DPP6: variants seen among roughly 807,000 people sequenced by gnomAD.
DPP6 encodes the protein dipeptidyl peptidase like 6, also known as A-type potassium channel modulatory protein DPP6.
A neutral mutation model predicts 122.6 loss-of-function variants in DPP6; 69 were observed. The observed-to-expected ratio is 0.56, with a 90% CI of 0.46 to 0.69. The LOEUF (loss-of-function observed/expected upper bound fraction) is 0.69, where lower values mean the gene tolerates loss of function less well. Among genes scored for constraint, DPP6 ranks in the 30% least tolerant of loss-of-function variants. The pLI, the probability that DPP6 is intolerant of heterozygous loss-of-function variation, is 0.00. For missense variants in DPP6, 928 were observed against 1,116.9 expected, an observed-to-expected ratio of 0.83 and a Z score of 2.41; for synonymous variants, 418 against 433.1, an observed-to-expected ratio of 0.97 and a Z score of 0.43.
In DPP6 at chr7:154,618,497, A is replaced by C. The variant is rs1222308271; in HGVS notation, c.628-19324A>C. Among the ~76,000 whole-genome samples, 1 of 152,206 alleles carries C rather than the reference A, an allele frequency of 6.6e-6. No individual in the cohort carries two copies. The highest frequency in any genetic ancestry group is 6.5e-5 in the Admixed American group (1 of 15,280). ...CTTTAGAAGATCAAAATCAGGGTGC[A>C]GGTAGGAGCCTTAGACAATTTCTAG... On this transcript the variant is annotated intron_variant, in intron 5 of 25. Transcript: ENST00000377770. The surrounding 1 kb of genome is among the most constrained non-coding windows in gnomAD (Gnocchi z 4.1).
intron 8 of DPP6, among the ~76,000 whole-genome samples, chr7:154,730,269 G>C (rs1435794552): frequency 6.6e-6 from 1 of 152,198 alleles, no homozygotes; most frequent in Non-Finnish European, 1.5e-5. Context: ...AGGGGCTGGA[G>C]ATCAGAACAT....
At chr7:154,134,815 T>C (rs1351481227) in intron 1 of DPP6, among the ~76,000 whole-genome samples, 1 of 152,138 alleles carries the variant, frequency 6.6e-6, no homozygotes, top group Non-Finnish European at 1.5e-5. Flanking sequence ...ACACTTCCTA[T>C]AAGTGTATAC....
At chr7:153,965,371 C>T (rs28648898) in intron 1 of DPP6, among the ~76,000 whole-genome samples, 6,931 of 151,982 alleles carry the variant, frequency 0.046, 535 homozygotes, top group African/African-American at 0.16. Context: ...ATTCCGGTTC[C>T]TCCTTAGGCA....
At chr7:154,002,498 T>C (rs1797732774) in intron 1 of DPP6, among the ~76,000 whole-genome samples, 1 of 152,182 alleles carries the variant, frequency 6.6e-6, no homozygotes, top group Non-Finnish European at 1.5e-5. Context: ...ACGGGGTCAG[T>C]CGCTGGCCCA....
At chr7:154,578,174 A>C (rs1251552182) in intron 5 of DPP6, among the ~76,000 whole-genome samples, 37 of 152,164 alleles carry the variant, frequency 2.4e-4, no homozygotes, top group African/African-American at 8.9e-4. Context: ...CTTCTGCTCA[A>C]CTAAAATTAT....
intron 1 of DPP6, among the ~76,000 whole-genome samples, chr7:154,339,829 C>G (rs1809766981): frequency 6.6e-6 from 1 of 152,118 alleles, no homozygotes; most frequent in African/African-American, 2.4e-5. Flanking sequence ...AATCCCAGCA[C>G]TTTGGGAGCC....
chr7:154,133,550 T>C (rs1795394774), intron 1 of DPP6, among the ~76,000 whole-genome samples: 1 of 152,196 alleles, frequency 6.6e-6, no homozygotes, highest in Non-Finnish European at 1.5e-5. Flanking sequence ...GGCATAATAC[T>C]GCTGGGAGAA....
upstream of DPP6, among the ~76,000 whole-genome samples, chr7:153,884,937 G>A (rs1798850735): frequency 1.3e-5 from 2 of 148,610 alleles, no homozygotes; most frequent in Non-Finnish European, 3.0e-5. Context: ...CCGAGATCAC[G>A]CCACTGGACT....
intron 1 of DPP6, among the ~76,000 whole-genome samples, chr7:154,371,667 C>A (rs559102778): frequency 1.3e-3 from 197 of 152,234 alleles, no homozygotes; most frequent in Middle Eastern, 3.4e-3. Flanking sequence ...CTCCCTGAAT[C>A]CCTGCAACAG....
intron 1 of DPP6, among the ~76,000 whole-genome samples, chr7:153,977,777 A>G (rs1337575033): frequency 3.3e-5 from 5 of 150,960 alleles, no homozygotes; most frequent in Admixed American, 3.3e-4. Flanking sequence ...TCATTGTTCA[A>G]CTCCCACCTA....
chr7:154,797,427 G>A (rs183639606), intron 12 of DPP6, among the ~76,000 whole-genome samples: 44 of 152,182 alleles, frequency 2.9e-4, no homozygotes, highest in African/African-American at 8.7e-4. Flanking sequence ...TTATTCAGCC[G>A]TAAGAAGAAC....
intron 8 of DPP6, among the ~76,000 whole-genome samples, chr7:154,765,129 G>T (rs1393533607): frequency 6.6e-6 from 1 of 152,118 alleles, no homozygotes; most frequent in South Asian, 2.1e-4. Context: ...TTCTGTTTCT[G>T]GTTTATTTCA....
At chr7:154,445,599 G>C (rs769399929) in intron 1 of DPP6, among the ~76,000 whole-genome samples, 2 of 152,194 alleles carry the variant, frequency 1.3e-5, no homozygotes, top group Non-Finnish European at 2.9e-5. Context: ...ATAAGGATAG[G>C]TGAGTTGCCC....
chr7:153,843,019 A>C, the DPP6 span, among the ~76,000 whole-genome samples: 6 of 151,584 alleles, frequency 4.0e-5, no homozygotes, highest in South Asian at 2.1e-4. Flanking sequence ...CATACACACA[A>C]GCATGCACAC....
the DPP6 span, among the ~76,000 whole-genome samples, chr7:153,867,820 G>C: frequency 1.3e-5 from 2 of 152,078 alleles, no homozygotes; most frequent in Non-Finnish European, 2.9e-5. Context: ...TTTGAGATAC[G>C]TCCCATCAAT....
intron 1 of DPP6, chr7:154,305,557 G>T (rs780238114): frequency 1.3e-6 from 2 of 1,596,602 alleles, no homozygotes; most frequent in Middle Eastern, 1.7e-4. Context: ...AACAGGTAAT[G>T]CTGCTTTTGG....
chr7:153,896,567 G>T (rs528085642), intron 1 of DPP6, among the ~76,000 whole-genome samples: 2 of 152,322 alleles, frequency 1.3e-5, no homozygotes, highest in South Asian at 4.1e-4. Flanking sequence ...CACTTTGGGA[G>T]GCTGAGGTGG....
At chr7:154,611,855 ATG>A (rs545017220) in intron 5 of DPP6, among the ~76,000 whole-genome samples, 19,046 of 72,132 alleles carry the variant, frequency 0.26, 1,318 homozygotes, top group Middle Eastern at 0.28. Context: ...GCTTTCATAT[ATG>A]TGTGTGTGTG....
intron 1 of DPP6, among the ~76,000 whole-genome samples, chr7:154,056,950 A>G (rs1471049230): frequency 1.8e-4 from 28 of 152,184 alleles, no homozygotes; most frequent in Non-Finnish European, 1.5e-5. Context: ...AAATCTTTCA[A>G]CTGTCTATTT....
Sources: allele counts gnomAD v4.1 joint callset (sites outside exome capture counted in the v4.1 genomes callset), GRCh38; gene constraint gnomAD v4.1.1; non-coding constraint Gnocchi (gnomAD v3.1); transcripts MANE v1.5; gene names NCBI Gene and HGNC (gene_info 2026-07-23, HGNC 2026-07-21).